DHDH: variants seen among roughly 807,000 people sequenced by gnomAD.
DHDH encodes trans-1,2-dihydrobenzene-1,2-diol dehydrogenase.
DHDH carries 29 observed loss-of-function variants against 33.2 expected under a neutral mutation model. The observed-to-expected ratio is 0.87, with a 90% CI of 0.65 to 1.19. The LOEUF (loss-of-function observed/expected upper bound fraction) is 1.19, where lower values mean the gene tolerates loss of function less well. Among genes scored for constraint, DHDH ranks in the 50% most tolerant of loss-of-function variants. The pLI, the probability that DHDH is intolerant of heterozygous loss-of-function variation, is 0.00. For synonymous variants in DHDH, 201 were observed against 187.9 expected (o/e 1.07, Z -0.57); for missense variants, 431 against 455.0 (o/e 0.95, Z 0.48).
At position 48,937,015 on chromosome 19, in the gene DHDH, T is replaced by C. The variant is rs1600083970; in HGVS notation, c.366+820T>C. ...GCCAGGCTGGTCTCAAACTCATGAC[T>C]GCAAGTGATCCTCCTGCCGCGGCCT... On this transcript the variant is annotated intron_variant, in intron 3 of 6. Transcript: ENST00000221403. 2.6e-5 allele frequency among the ~76,000 whole-genome samples: 4 copies of C among 151,970 alleles called. No homozygotes were observed. The East Asian group carries it at 8.0e-4, about 30-fold the overall frequency.
At chr19:48,937,707 G>A (rs79492274) in intron 3 of DHDH, among the ~76,000 whole-genome samples, 51,355 of 150,906 alleles carry the variant, frequency 0.34, 11,854 homozygotes, top group African/African-American at 0.65. Flanking sequence ...AGCTACTCGG[G>A]AGGCTGAGGC....
rs188678635 is a variant in DHDH at position 48,936,265 on chromosome 19, C to T, written c.366+70C>T. On this transcript the variant is annotated intron_variant, in intron 3 of 6. Transcript: ENST00000221403. Reference sequence around the variant, plus strand: ...GCCATTAAATATGGTTGCCAGTGCGCGGACGGGGTCAGTGCATTTGCCAGG... The same window carrying T: ...GCCATTAAATATGGTTGCCAGTGCGTGGACGGGGTCAGTGCATTTGCCAGG... The T allele has an allele frequency of 1.7e-5, 25 of 1,477,684 alleles. No individual in the cohort carries two copies. In the Admixed American group the frequency reaches 5.6e-4, roughly 33 times the overall value. The allele number at this position is 1,477,684 out of a possible 1,614,324, so 91.5% of individuals were successfully genotyped here.
chr19:48,933,689 G>T, upstream of DHDH: 2 of 1,610,346 alleles, frequency 1.2e-6, no homozygotes, highest in South Asian at 1.1e-5. Flanking sequence ...CGCCTGGAGG[G>T]ACCGAAGGTG....
chr19:48,936,103 G>T lies in DHDH; in HGVS notation c.274G>T (p.Ala92Ser). ...AVMLCLAAGK[A>S]VLCEKPTGVN... ...GATGCTGTGCTTGGCGGCGGGCAAG[G>T]CCGTTCTGTGCGAGAAGCCCACGGG... Residue 92 changes from alanine to serine, a missense_variant, in exon 3 of 7, where the codon GCC becomes TCC. Coordinates refer to ENST00000221403, the MANE Select transcript of DHDH (RefSeq NM_014475.4). 6.2e-7 allele frequency: 1 copy of T among 1,611,490 alleles called. No homozygotes were observed.
chr19:48,941,352 G>T (rs975364711), intron 4 of DHDH, among the ~76,000 whole-genome samples: 1 of 152,088 alleles, frequency 6.6e-6, no homozygotes, highest in Non-Finnish European at 1.5e-5. Flanking sequence ...TACATGGCCA[G>T]CTCAGTTTTC....
In DHDH at chr19:48,944,929, G is replaced by A. The variant is rs545837155; in HGVS notation, c.1001G>A (p.Arg334His). Residue 334 changes from arginine (R) to histidine (H), a missense_variant, in exon 7 of 7, where the codon CGC becomes CAC. Arg to His is a conservative substitution (Grantham distance 29). Coordinates refer to ENST00000221403, the MANE Select transcript of DHDH (RefSeq NM_014475.4). ...AIGVTFPQDK[R>H] ...GGAGTCACCTTCCCCCAAGACAAAC[G>A]CTGATGTATCCCCGAATAAATAAAG... 6 of 1,613,516 alleles carry A rather than the reference G, an allele frequency of 3.7e-6. No individual in the cohort carries two copies. Among genetic ancestry groups the A allele is most frequent in the African/African-American group, 2.7e-5 (2 of 75,022 alleles).
intron 3 of DHDH, 121 bp downstream of exon 3, chr19:48,936,316 T>C: frequency 1.5e-6 from 2 of 1,303,934 alleles, no homozygotes; most frequent in Non-Finnish European, 2.0e-6. Context: ...CTTGGCAGCA[T>C]CTATTACCGT....
At chr19:48,939,276 T>G (rs1463228140) in intron 3 of DHDH, among the ~76,000 whole-genome samples, 173 bp from the exon 4 acceptor site, 1 of 151,018 alleles carries the variant, frequency 6.6e-6, no homozygotes, top group African/African-American at 2.4e-5. Context: ...CCTATCTCTA[T>G]TCAAAAAAAA....
At chr19:48,943,828 CAAA>C (rs556702043) in intron 5 of DHDH, among the ~76,000 whole-genome samples, 8 of 100,440 alleles carry the variant, frequency 8.0e-5, no homozygotes, top group Admixed American at 2.1e-4. Flanking sequence ...CTCCGTCTCA[CAAA>C]AAAAAAAAAA....
intron 4 of DHDH, among the ~76,000 whole-genome samples, chr19:48,940,527 CA>C (rs879675350): frequency 3.1e-3 from 405 of 130,452 alleles, no homozygotes; most frequent in Non-Finnish European, 4.8e-3. Flanking sequence ...CATTCAGCCG[CA>C]AAAAAAAAAA....
At chr19:48,939,420 T>A (rs1206228502) in intron 3 of DHDH, 29 bp from the exon 4 acceptor site, 7 of 1,597,470 alleles carry the variant, frequency 4.4e-6, no homozygotes, top group Non-Finnish European at 6.0e-6. Flanking sequence ...TAGAACTGGT[T>A]GGTTAACTCC....
At chr19:48,941,985 CGTGTGTGTGTGTGTGTGT>C (rs60467743) in intron 4 of DHDH, among the ~76,000 whole-genome samples, 2 of 132,144 alleles carry the variant, frequency 1.5e-5, no homozygotes, top group African/African-American at 3.0e-5. Flanking sequence ...GACTGTACTT[CGTGTGTGTGTGTGTGTGT>C]GTGTGTGTGT....
Position 48,935,951 on chromosome 19 carries a change from G to A in DHDH, c.203-81G>A, listed in dbSNP as rs2037766779. 6.5e-6 allele frequency: 10 copies of A among 1,533,380 alleles called. No homozygotes were observed. In the Admixed American group the frequency reaches 1.6e-4, roughly 24 times the overall value. The allele number at this position is 1,533,380 out of a possible 1,614,324, so 95.0% of individuals were successfully genotyped here. ...CGACCACCTGGTCCCTGGGTGCTAG[G>A]GCGGGGCCTCGAAGTTGTGGGCGGA... On this transcript the variant is annotated intron_variant, in intron 2 of 6. Coordinates refer to ENST00000221403, the MANE Select transcript of DHDH (RefSeq NM_014475.4).
In DHDH at chr19:48,944,366, C is replaced by T. The variant is rs78909645; in HGVS notation, c.754C>T (p.Pro252Ser). The T allele has an allele frequency of 7.8e-4, 1,263 of 1,614,026 alleles. 11 individuals carry two copies. In the African/African-American group the frequency reaches 0.015, roughly 20 times the overall value. ...TCTTCTCTCCCTCCAGCTCCTCAAC[C>T]CCTGCTGGTGCCCGACCGAGCTGGT... ...GTKGMVQLLN[P>S]CWCPTELVVK... The change falls in exon 6 of 7, where the codon CCC becomes TCC. Residue 252 changes from proline (P) to serine (S), a missense_variant. By Grantham distance (74) the Pro-to-Ser change is moderately conservative. Transcript: ENST00000221403.
Position 48,937,846 on chromosome 19 carries a change from G to C in DHDH, c.367-1603G>C, listed in dbSNP as rs536261514. Among the ~76,000 whole-genome samples the C allele has an allele frequency of 5.8e-4, 87 of 149,904 alleles. 1 individual carries two copies. In the South Asian group the frequency reaches 0.018, roughly 31 times the overall value. ...AAAAAAAAAAAAAGAAATTGCTGGA[G>C]TGCAGCCTTGGGACCTTTGCCCATT... On this transcript the variant is annotated intron_variant, in intron 3 of 6. Transcript: ENST00000221403.
chr19:48,933,281 G>A (rs1305678326), upstream of DHDH, among the ~76,000 whole-genome samples: 1 of 152,138 alleles, frequency 6.6e-6, no homozygotes, highest in African/African-American at 2.4e-5. Context: ...TAAGTTTGCT[G>A]TTACAATCCT....
chr19:48,938,756 C>T (rs981121089), intron 3 of DHDH, among the ~76,000 whole-genome samples: 1 of 151,952 alleles, frequency 6.6e-6, no homozygotes, highest in Non-Finnish European at 1.5e-5. Flanking sequence ...AGCAATTCTC[C>T]TGCCTCAGCT....
Position 48,942,453 on chromosome 19 carries a change from T to A in DHDH, c.633T>A (p.Thr211=), listed in dbSNP as rs372445516. The A allele has an allele frequency of 4.4e-5, 71 of 1,608,904 alleles. No individual in the cohort carries two copies. Among genetic ancestry groups the A allele is most frequent in the Admixed American group, 3.3e-5 (2 of 59,816 alleles). Residue 211 remains threonine, a synonymous_variant, in exon 5 of 7, where the codon ACT becomes ACA. Transcript: ENST00000221403. Reference sequence around the variant, plus strand: ...ACTTCCCTCCAGGTGTGGATGACACTGTCACGGTGCTCCTGCAGTACCCAG... The same window carrying A: ...ACTTCCCTCCAGGTGTGGATGACACAGTCACGGTGCTCCTGCAGTACCCAG... ...GRRHETGVDD[T]VTVLLQYPGE...
chr19:48,933,740 A>G lies in DHDH; in HGVS notation c.19A>G (p.Ile7Val), dbSNP rs1251877008. The G allele has an allele frequency of 6.2e-7, 1 of 1,613,460 alleles. No homozygotes were observed. Among genetic ancestry groups the G allele is most frequent in the African/African-American group, 1.3e-5 (1 of 75,050 alleles). MALRWGIVSVGLISSDF... is the reference protein window; with the variant it reads MALRWGVVSVGLISSDF... ...CGCAACCATGGCGCTGCGCTGGGGCATCGTGTCTGTCGGCCTCATCTCCAG... is the reference window on the plus strand; with the variant it reads ...CGCAACCATGGCGCTGCGCTGGGGCGTCGTGTCTGTCGGCCTCATCTCCAG... The change falls in exon 1 of 7, where the codon ATC (isoleucine) becomes GTC (valine). Residue 7 changes from isoleucine (I) to valine (V), a missense_variant. Transcript: ENST00000221403.
Sources: allele counts gnomAD v4.1 joint callset (sites outside exome capture counted in the v4.1 genomes callset), GRCh38; gene constraint gnomAD v4.1.1; transcripts MANE v1.5; gene names NCBI Gene and HGNC (gene_info 2026-07-23, HGNC 2026-07-21).